The following OGDH variants were observed in gnomAD, a reference collection of about 807,000 sequenced individuals.
OGDH encodes the protein 2-oxoglutarate dehydrogenase complex component E1.
Under a neutral mutation model 116.6 loss-of-function variants are expected in OGDH, and 38 were observed. The observed-to-expected ratio is 0.33, with a 90% confidence interval of 0.25 to 0.43. OGDH has a LOEUF of 0.43. Ranked by LOEUF, OGDH falls within the 20% of genes least tolerant of loss-of-function variation. OGDH has a pLI of 1.00. For missense variants in OGDH, 825 were observed against 1,357.2 expected (o/e 0.61, Z 6.16); for synonymous variants, 488 against 533.3 (o/e 0.92, Z 1.17).
intron 1 of OGDH, among the ~76,000 whole-genome samples, chr7:44,616,823 A>ACACATATACG (rs1784811538): frequency 7.2e-6 from 1 of 139,342 alleles, no homozygotes; most frequent in African/African-American, 2.6e-5. Context: ...ATACGTATAT[A>ACACATATACG]TGTGTATATA....
In OGDH at chr7:44,658,281, C is replaced by G. The variant is rs1411915799; in HGVS notation, c.518-8455C>G. Among the ~76,000 whole-genome samples the G allele has an allele frequency of 2.0e-5, 3 of 151,982 alleles. No homozygotes were observed. The East Asian group carries it at 5.8e-4, about 29-fold the overall frequency. ...TTGGATCACTGATTTTTTTAATCAG[C>G]TTTTTGTAGTTTTCAGCATATACAT... On this transcript the variant is annotated intron_variant, in intron 4 of 22. Coordinates refer to ENST00000222673, the MANE Select transcript of OGDH (RefSeq NM_002541.4).
Position 44,610,407 on chromosome 7 carries a change from G to A in OGDH, c.-28+3754G>A, listed in dbSNP as rs185884943. On this transcript the variant is annotated intron_variant, in intron 1 of 22. Coordinates refer to ENST00000222673, the MANE Select transcript of OGDH (RefSeq NM_002541.4). ...CAACCTCTGCCTCCCAGGTTCAAGC[G>A]ATTCTTCCGCCTCAGCCTCCTGAGT... is the stretch of plus-strand genomic sequence containing the variant. 4.6e-5 allele frequency among the ~76,000 whole-genome samples: 7 copies of A among 151,274 alleles called. No homozygotes were observed. In the East Asian group the frequency reaches 1.2e-3, roughly 25 times the overall value.
intron 2 of OGDH, among the ~76,000 whole-genome samples, chr7:44,643,426 A>AG (rs1307799333): frequency 6.6e-6 from 1 of 152,252 alleles, no homozygotes; most frequent in African/African-American, 2.4e-5. Flanking sequence ...GGAAAAAAAA[A>AG]GTATTCCACA....
intron 20 of OGDH, among the ~76,000 whole-genome samples, chr7:44,702,770 G>A (rs997418651): frequency 1.3e-5 from 2 of 151,924 alleles, no homozygotes; most frequent in African/African-American, 4.8e-5. Context: ...TTTTGTTTTT[G>A]TATTTTTAGT....
chr7:44,675,838 T>C (rs983045153), intron 8 of OGDH, 132 bp from the exon 9 acceptor site: 20 of 873,062 alleles, frequency 2.3e-5, no homozygotes, highest in Non-Finnish European at 3.5e-5. Context: ...GATCGCGCCA[T>C]TGCACTCCAA....
intron 1 of OGDH, among the ~76,000 whole-genome samples, chr7:44,607,822 C>T (rs1784412110): frequency 6.6e-6 from 1 of 152,086 alleles, no homozygotes; most frequent in Non-Finnish European, 1.5e-5. Context: ...CTGCCTCAGC[C>T]TCCCAAGTAG....
In OGDH at chr7:44,625,820, T is replaced by A. The variant is rs2331139; in HGVS notation, c.222+1255T>A. Among the ~76,000 whole-genome samples, 965 of 151,708 alleles carry A rather than the reference T, an allele frequency of 6.4e-3. 6 individuals are homozygous for A. Among genetic ancestry groups the A allele is most frequent in the South Asian group, 0.031 (150 of 4,792 alleles). On this transcript the variant is annotated intron_variant, in intron 2 of 22. Transcript: ENST00000222673. ...AGTGACACTTACGAATTTTTTTTTT[T>A]AATTTAGCTAGGTGTGGTGGCACAT... is the stretch of plus-strand genomic sequence containing the variant.
At chr7:44,622,143 T>TTTAATA (rs980614992) in intron 1 of OGDH, among the ~76,000 whole-genome samples, 1 of 152,164 alleles carries the variant, frequency 6.6e-6, no homozygotes, top group Non-Finnish European at 1.5e-5. Flanking sequence ...CAATTGGGTA[T>TTTAATA]TTAATATTGC....
intron 4 of OGDH, among the ~76,000 whole-genome samples, chr7:44,663,585 A>G (rs150605987): frequency 1.3e-5 from 2 of 152,344 alleles, no homozygotes; most frequent in East Asian, 3.9e-4. Flanking sequence ...CTTGGCCAAC[A>G]TGGTGAAACC....
chr7:44,667,355 T>C (rs1220019020), intron 5 of OGDH, among the ~76,000 whole-genome samples: 1 of 152,110 alleles, frequency 6.6e-6, no homozygotes, highest in Non-Finnish European at 1.5e-5. Flanking sequence ...AAATTCTGCT[T>C]TCAGATCCCA....
Position 44,624,541 on chromosome 7 carries a change from G to A in OGDH, c.198G>A (p.Leu66=), listed in dbSNP as rs1367832538. The change falls in exon 2 of 23, where the codon CTG becomes CTA. Residue 66 remains leucine, a synonymous_variant. Transcript: ENST00000222673. ...NYVEEMYCAW[L]ENPKSVHKSW... is the part of the protein sequence containing the mutation. ...TGGAGGAGATGTACTGTGCTTGGCT[G>A]GAAAACCCCAAAAGTGTACATAAGG... 2.5e-6 allele frequency: 4 copies of A among 1,613,696 alleles called. No individual in the cohort carries two copies. Among genetic ancestry groups the A allele is most frequent in the Non-Finnish European group, 1.7e-6 (2 of 1,179,998 alleles).
At chr7:44,624,109 G>A (rs575856232) in intron 1 of OGDH, among the ~76,000 whole-genome samples, 1 of 152,096 alleles carries the variant, frequency 6.6e-6, no homozygotes, top group East Asian at 1.9e-4. Flanking sequence ...CACTGAGCAG[G>A]TAGCACTCTT....
intron 10 of OGDH, 27 bp from the exon 11 acceptor site, chr7:44,693,798 T>C (rs1482093097): frequency 4.5e-6 from 7 of 1,544,474 alleles, no homozygotes; most frequent in Middle Eastern, 1.7e-4. Flanking sequence ...CCAGGTGCCC[T>C]CTTGCTAGGC....
At chr7:44,689,392 C>CTTTTTTTTTTTTTTTTT (rs561058807) in intron 10 of OGDH, among the ~76,000 whole-genome samples, 1 of 71,220 alleles carries the variant, frequency 1.4e-5, no homozygotes, top group Non-Finnish European at 2.7e-5. Flanking sequence ...ATTTTTTTTT[C>CTTTTTTTTTTTTTTTTT]TTTTTTTTTT....
chr7:44,693,934 C>G lies in OGDH; in HGVS notation c.1445C>G (p.Ala482Gly). The change falls in exon 11 of 23, where the codon GCT becomes GGT. Residue 482 changes from alanine to glycine, a missense_variant. By Grantham distance (60) the Ala-to-Gly change is moderately conservative (BLOSUM62 0). Around this residue, in one of 7 missense-constraint regions of OGDH, gnomAD observed 146 missense variants for 317.3 expected, o/e 0.46. Coordinates refer to ENST00000222673, the MANE Select transcript of OGDH (RefSeq NM_002541.4). ...CACGTGAACTCAGATGACCCCGAGG[C>G]TGTCATGTACGTGTGCAAAGTGGCG... Reference protein sequence around the residue: ...IFHVNSDDPEAVMYVCKVAAE... With the variant: ...IFHVNSDDPEGVMYVCKVAAE... 6.2e-7 allele frequency: 1 copy of G among 1,614,188 alleles called. No individual in the cohort carries two copies. The highest frequency in any genetic ancestry group is 8.5e-7 in the Non-Finnish European group (1 of 1,180,000).
At chr7:44,691,981 T>TTAAAAAAAAAA (rs1228471357) in intron 10 of OGDH, among the ~76,000 whole-genome samples, 1 of 102,608 alleles carries the variant, frequency 9.7e-6, no homozygotes, top group African/African-American at 4.4e-5. Flanking sequence ...GACTCTGTCT[T>TTAAAAAAAAAA]AAAAAAAAAA....
chr7:44,612,254 C>A (rs532160189), intron 1 of OGDH, among the ~76,000 whole-genome samples: 1 of 152,252 alleles, frequency 6.6e-6, no homozygotes, highest in African/African-American at 2.4e-5. Flanking sequence ...TTCCATTGAT[C>A]TTTGTGTCTA....
chr7:44,699,572 G>A (rs899465862), intron 18 of OGDH, among the ~76,000 whole-genome samples: 4 of 152,170 alleles, frequency 2.6e-5, no homozygotes, highest in Non-Finnish European at 5.9e-5. Context: ...TATGGATTGA[G>A]TGGGACTGAG....
chr7:44,701,809 G>A (rs1274110873), intron 20 of OGDH, among the ~76,000 whole-genome samples, 194 bp downstream of exon 20: 2 of 152,158 alleles, frequency 1.3e-5, no homozygotes, highest in Non-Finnish European at 2.9e-5. Context: ...TTGGGAGGCC[G>A]AGGCAGGCAG....
Sources: gnomAD v4.1 joint callset for allele counts (sites outside exome capture counted in the v4.1 genomes callset) on GRCh38, gnomAD v4.1.1 for gene constraint, gnomAD v4.1.1 regional missense constraint, MANE v1.5 for transcripts, NCBI Gene and HGNC (gene_info 2026-07-23, HGNC 2026-07-21) for gene names.